GBP7: variants seen among roughly 807,000 people sequenced by gnomAD.
GBP7 encodes guanylate binding protein 7.
A neutral mutation model predicts 61.3 loss-of-function variants in GBP7; 43 were observed. The ratio of observed to expected loss-of-function variants is 0.70; its 90% CI spans 0.55 to 0.91. GBP7 has a LOEUF of 0.91. Ranked by LOEUF, GBP7 falls within the 40% of genes least tolerant of loss-of-function variation. The pLI is 0.00. For missense variants in GBP7, 717 were observed against 740.5 expected (o/e 0.97, Z 0.37); for synonymous variants, 267 against 271.0 (o/e 0.99, Z 0.14).
At chr1:89,134,055 C>T (rs944924131) in intron 9 of GBP7, among the ~76,000 whole-genome samples, 4 of 152,196 alleles carry the variant, frequency 2.6e-5, no homozygotes, top group Non-Finnish European at 5.9e-5. Context: ...TCCCAGTCTG[C>T]TAGCCTCTCT....
intron 3 of GBP7, among the ~76,000 whole-genome samples, chr1:89,162,759 C>T (rs901573464): frequency 6.6e-6 from 1 of 152,156 alleles, no homozygotes; most frequent in African/African-American, 2.4e-5. Context: ...TTATTGCTTT[C>T]TCTTGCCTGA....
chr1:89,158,409 G>T (rs1298235956), intron 3 of GBP7, among the ~76,000 whole-genome samples: 1 of 152,164 alleles, frequency 6.6e-6, no homozygotes, highest in Non-Finnish European at 1.5e-5. Flanking sequence ...AGGAAAAGAG[G>T]AAATCAAATT....
intron 2 of GBP7, among the ~76,000 whole-genome samples, chr1:89,166,065 A>G (rs1356266133): frequency 2.0e-5 from 3 of 152,192 alleles, no homozygotes; most frequent in African/African-American, 7.2e-5. Context: ...TCTACGAGAA[A>G]TAAGTTTTTA....
intron 3 of GBP7, among the ~76,000 whole-genome samples, chr1:89,164,456 T>G (rs116525031): frequency 0.012 from 1,776 of 152,348 alleles, 38 homozygotes; most frequent in African/African-American, 0.039. Context: ...TCAGGATTCT[T>G]TATTAATATA....
intron 8 of GBP7, among the ~76,000 whole-genome samples, chr1:89,142,514 G>A (rs907700316): frequency 5.9e-5 from 9 of 152,182 alleles, no homozygotes; most frequent in African/African-American, 2.2e-4. Context: ...GCCTTCCAAA[G>A]CGTTGGGATT....
At chr1:89,146,854 A>T (rs1025519453) in intron 8 of GBP7, among the ~76,000 whole-genome samples, 1 of 152,220 alleles carries the variant, frequency 6.6e-6, no homozygotes, top group Non-Finnish European at 1.5e-5. Flanking sequence ...TTAGTATAGG[A>T]AAGTAAATTA....
At chr1:89,143,881 A>G (rs1163603509) in intron 8 of GBP7, among the ~76,000 whole-genome samples, 1 of 152,162 alleles carries the variant, frequency 6.6e-6, no homozygotes, top group African/African-American at 2.4e-5. Flanking sequence ...AGTGGAGACA[A>G]ATAGCCCAAC....
intron 9 of GBP7, among the ~76,000 whole-genome samples, chr1:89,140,743 G>C (rs926152831): frequency 6.6e-6 from 1 of 152,112 alleles, no homozygotes; most frequent in Non-Finnish European, 1.5e-5. Context: ...AAAGACACAT[G>C]AATGTGCATG....
intron 7 of GBP7, among the ~76,000 whole-genome samples, 165 bp from the exon 8 acceptor site, chr1:89,147,944 C>T (rs1011554133): frequency 6.6e-6 from 1 of 152,202 alleles, no homozygotes; most frequent in Non-Finnish European, 1.5e-5. Context: ...GGTCAATTCT[C>T]TGCATGACCT....
rs1346216108 is a variant in GBP7, at chr1:89,147,900, TAA to T, written c.1153-123_1153-122del. 5.2e-6 allele frequency: 5 copies of T among 963,098 alleles called. No individual in the cohort carries two copies. In the African/African-American group the frequency reaches 8.1e-5, roughly 16 times the overall value. 59.7% of individuals were successfully genotyped at this position (963,098 alleles called of 1,614,324 possible). On this transcript the variant is annotated intron_variant, in intron 7 of 10. Transcript: ENST00000294671. Reference sequence around the variant, plus strand: ...GAGCAGGCTGAGTTACGGTGTAGACTAAGAGTCAGAAGACTTGTTTTAGTTCC... The same window carrying T: ...GAGCAGGCTGAGTTACGGTGTAGACTGAGTCAGAAGACTTGTTTTAGTTCC...
chr1:89,165,408 G>A (rs1474045873), intron 2 of GBP7, among the ~76,000 whole-genome samples: 1 of 152,028 alleles, frequency 6.6e-6, no homozygotes, highest in African/African-American at 2.4e-5. Context: ...GCTGAGGTAG[G>A]GGAGTCGCTT....
At chr1:89,162,918 C>T (rs1647316377) in intron 3 of GBP7, among the ~76,000 whole-genome samples, 1 of 152,058 alleles carries the variant, frequency 6.6e-6, no homozygotes, top group Non-Finnish European at 1.5e-5. Flanking sequence ...TGGCTCTTAT[C>T]ATTTTGAGCT....
chr1:89,155,563 C>G (rs1029001640), intron 3 of GBP7, among the ~76,000 whole-genome samples: 5 of 152,076 alleles, frequency 3.3e-5, no homozygotes, highest in African/African-American at 1.2e-4. Context: ...GATGCATGCA[C>G]AAGCTTCAGT....
At chr1:89,175,169 T>C (rs1647707737) in intron 1 of GBP7, among the ~76,000 whole-genome samples, 1 of 152,228 alleles carries the variant, frequency 6.6e-6, no homozygotes, top group South Asian at 2.1e-4. Context: ...TGCAGTTTTC[T>C]TTTTTATCCT....
chr1:89,132,934 A>T (rs1175940688), intron 10 of GBP7, among the ~76,000 whole-genome samples: 1 of 152,148 alleles, frequency 6.6e-6, no homozygotes, highest in African/African-American at 2.4e-5. Flanking sequence ...GGTCCTTTTG[A>T]TGGTTGTGCC....
intron 9 of GBP7, among the ~76,000 whole-genome samples, chr1:89,140,996 T>C (rs561202704): frequency 6.6e-6 from 1 of 152,022 alleles, no homozygotes; most frequent in Non-Finnish European, 1.5e-5. Context: ...GAACTAAATA[T>C]TGAGTACACA....
intron 9 of GBP7, 50 bp downstream of exon 9, chr1:89,141,496 T>A: frequency 6.7e-7 from 1 of 1,486,398 alleles, no homozygotes; most frequent in Non-Finnish European, 9.4e-7. Context: ...ATCAAGAGAG[T>A]GTTGCAAGAA....
chr1:89,152,425 C>T lies in GBP7; in HGVS notation c.468G>A (p.Ser156=), dbSNP rs144935084. The change falls in exon 5 of 11, where the codon TCG becomes TCA. Residue 156 remains serine, a synonymous_variant. Transcript: ENST00000294671. ...TELTELIRAK[S]CPRPDEVEDS... The stretch of plus-strand genomic sequence containing the variant: ...CCTCAACTTCATCAGGTCTGGGGCA[C>T]GATTTTGCCCTGATTAGCTCTGTTA... The T allele has an allele frequency of 3.1e-6, 5 of 1,614,006 alleles. No homozygotes were observed. Among genetic ancestry groups the T allele is most frequent in the East Asian group, 4.5e-5 (2 of 44,888 alleles).
chr1:89,151,820 A>G (rs1034258196), intron 5 of GBP7, among the ~76,000 whole-genome samples: 7 of 152,216 alleles, frequency 4.6e-5, no homozygotes, highest in Admixed American at 4.6e-4. Flanking sequence ...CCAGGCTAAT[A>G]AAATAGACTG....
Sources: gnomAD v4.1 joint callset for allele counts (sites outside exome capture counted in the v4.1 genomes callset) on GRCh38, gnomAD v4.1.1 for gene constraint, MANE v1.5 for transcripts, NCBI Gene and HGNC (gene_info 2026-07-23, HGNC 2026-07-21) for gene names.